FUT9: variants seen among roughly 807,000 people sequenced by gnomAD.
FUT9 encodes 4-galactosyl-N-acetylglucosaminide 3-alpha-L-fucosyltransferase 9.
FUT9 carries 15 observed loss-of-function variants against 29.7 expected under a neutral mutation model. That is an observed-to-expected ratio of 0.51 (90% CI 0.34 to 0.78). The LOEUF (loss-of-function observed/expected upper bound fraction) is 0.78. Among genes scored for constraint, FUT9 ranks in the 30% least tolerant of loss-of-function variants. The pLI is 0.01. For missense variants in FUT9, 319 were observed against 425.4 expected (o/e 0.75, Z 2.20); for synonymous variants, 169 against 153.7 (o/e 1.10, Z -0.74).
intron 2 of FUT9, among the ~76,000 whole-genome samples, chr6:96,179,529 T>G (rs575222810): frequency 8.6e-4 from 131 of 152,260 alleles, no homozygotes; most frequent in Middle Eastern, 6.8e-3. Context: ...ATATGTTACT[T>G]TAACAATTTT....
intron 1 of FUT9, among the ~76,000 whole-genome samples, chr6:96,025,563 T>C (rs1689432641): frequency 6.6e-6 from 1 of 151,670 alleles, no homozygotes; most frequent in African/African-American, 2.4e-5. Flanking sequence ...TCTGTGTAAA[T>C]AAGCGAGGTC....
chr6:96,195,646 TTGA>T (rs933718988), intron 2 of FUT9, among the ~76,000 whole-genome samples: 5 of 152,210 alleles, frequency 3.3e-5, no homozygotes, highest in African/African-American at 1.2e-4. Flanking sequence ...TTATAGGACT[TTGA>T]GACAGAATAT....
chr6:96,109,472 G>A, intron 1 of FUT9, among the ~76,000 whole-genome samples: 1 of 152,138 alleles, frequency 6.6e-6, no homozygotes, highest in East Asian at 1.9e-4. Flanking sequence ...CTTGCATAAA[G>A]ATCTATATTT....
chr6:96,047,824 T>C (rs1770590866), intron 1 of FUT9, among the ~76,000 whole-genome samples: 1 of 152,210 alleles, frequency 6.6e-6, no homozygotes, highest in Non-Finnish European at 1.5e-5. Flanking sequence ...GTAGATGATT[T>C]GTAGAGGATG....
intron 1 of FUT9, among the ~76,000 whole-genome samples, chr6:96,025,574 G>A (rs1325066): frequency 0.069 from 10,460 of 151,666 alleles, 1,191 homozygotes; most frequent in African/African-American, 0.24. Context: ...AAGCGAGGTC[G>A]TGGTACAGGG....
chr6:96,188,033 C>A (rs185428390), intron 2 of FUT9, among the ~76,000 whole-genome samples: 10 of 152,186 alleles, frequency 6.6e-5, no homozygotes, highest in Admixed American at 5.9e-4. Context: ...GATTCCTTCA[C>A]TGTTCTGATT....
chr6:96,083,424 T>C (rs1771269398), intron 1 of FUT9, among the ~76,000 whole-genome samples: 1 of 152,114 alleles, frequency 6.6e-6, no homozygotes, highest in African/African-American at 2.4e-5. Flanking sequence ...CATTTACTTA[T>C]TCTATTCTGT....
At chr6:96,083,744 A>G (rs1215785947) in intron 1 of FUT9, among the ~76,000 whole-genome samples, 1 of 152,124 alleles carries the variant, frequency 6.6e-6, no homozygotes, top group Non-Finnish European at 1.5e-5. Context: ...AAAAAGAAAT[A>G]AATAAAAAAG....
intron 1 of FUT9, among the ~76,000 whole-genome samples, chr6:96,022,838 T>C (rs995647357): frequency 5.3e-5 from 8 of 152,006 alleles, no homozygotes; most frequent in Admixed American, 4.6e-4. Flanking sequence ...AGCAAGCTAA[T>C]AGCTGCTTTT....
chr6:96,017,408 T>C (rs1167168595), intron 1 of FUT9, among the ~76,000 whole-genome samples: 1 of 152,170 alleles, frequency 6.6e-6, no homozygotes, highest in East Asian at 1.9e-4. Context: ...TTATTATTTC[T>C]AGTTGGAGTG....
intron 1 of FUT9, among the ~76,000 whole-genome samples, chr6:96,110,779 C>T (rs1771789576): frequency 7.0e-6 from 1 of 141,904 alleles, no homozygotes. Context: ...CATCAGCTTC[C>T]TGAGTAGCTG....
intron 1 of FUT9, among the ~76,000 whole-genome samples, chr6:96,093,809 G>A (rs569580391): frequency 2.6e-5 from 4 of 152,160 alleles, no homozygotes; most frequent in African/African-American, 7.2e-5. Context: ...GTCCTTCAGA[G>A]GAAGGTATAC....
At chr6:96,045,430 A>T (rs144551414) in intron 1 of FUT9, among the ~76,000 whole-genome samples, 107 of 152,356 alleles carry the variant, frequency 7.0e-4, no homozygotes, top group Middle Eastern at 3.4e-3. Context: ...CATGTGCCAC[A>T]TACATCTAGT....
chr6:96,054,101 G>A (rs1165968682), intron 1 of FUT9, among the ~76,000 whole-genome samples: 1 of 152,114 alleles, frequency 6.6e-6, no homozygotes, highest in Non-Finnish European at 1.5e-5. Context: ...ACTGTTTCAA[G>A]GTCAGTTTCA....
At chr6:96,196,027 T>G (rs564803263) in intron 2 of FUT9, among the ~76,000 whole-genome samples, 2 of 152,290 alleles carry the variant, frequency 1.3e-5, no homozygotes, top group South Asian at 4.1e-4. Context: ...TTTGGCTTAT[T>G]TGAAAATACA....
At chr6:96,121,696 T>A (rs1174215075) in intron 2 of FUT9, among the ~76,000 whole-genome samples, 1 of 152,172 alleles carries the variant, frequency 6.6e-6, no homozygotes. Flanking sequence ...CTTTGTATGT[T>A]CCACCATTCC....
At chr6:96,017,659 G>A (rs916625818) in intron 1 of FUT9, among the ~76,000 whole-genome samples, 1 of 152,132 alleles carries the variant, frequency 6.6e-6, no homozygotes, top group African/African-American at 2.4e-5. Context: ...TGTGTTCTAA[G>A]CAATACGGAT....
At chr6:96,169,537 T>C (rs754291668) in intron 2 of FUT9, among the ~76,000 whole-genome samples, 10 of 152,158 alleles carry the variant, frequency 6.6e-5, no homozygotes, top group Non-Finnish European at 1.5e-4. Context: ...TGTTTTTATA[T>C]TGGGGGAGGT....
Position 96,055,707 on chromosome 6 carries a change from TTC to T in FUT9, c.-98+39497_-98+39498del, listed in dbSNP as rs1445615594. Among the ~76,000 whole-genome samples the T allele has an allele frequency of 6.0e-3, 177 of 29,686 alleles. 3 individuals are homozygous for T. Among genetic ancestry groups the T allele is most frequent in the Middle Eastern group, 0.021 (1 of 48 alleles). 19.5% of individuals were successfully genotyped at this position (29,686 alleles called of 152,430 possible). ...TTTTGTTTTTGTTTTCTATTTCTTT[TTC>T]TTTTTTTTTTTTTTTCCTAGAGATA... On this transcript the variant is annotated intron_variant, in intron 1 of 2. Coordinates refer to ENST00000302103, the MANE Select transcript of FUT9 (RefSeq NM_006581.4).
Sources: allele counts gnomAD v4.1 joint callset (sites outside exome capture counted in the v4.1 genomes callset), GRCh38; gene constraint gnomAD v4.1.1; transcripts MANE v1.5; gene names NCBI Gene and HGNC (gene_info 2026-07-23, HGNC 2026-07-21).